ROBO2: variants seen among roughly 807,000 people sequenced by gnomAD.
ROBO2 encodes the protein roundabout homolog 2.
ROBO2 carries 53 observed loss-of-function variants against 160.8 expected under a neutral mutation model. That is an observed-to-expected ratio of 0.33 (90% CI 0.26 to 0.41). The LOEUF is 0.41. ROBO2 is among the 10% of genes least tolerant of loss of function. ROBO2 has a pLI of 1.00. For synonymous variants in ROBO2, 664 were observed against 611.7 expected (o/e 1.09, Z -1.26); for missense variants, 1,577 against 1,722.4 (o/e 0.92, Z 1.49).
At chr3:76,678,812 G>A (rs925074470) in intron 2 of ROBO2, among the ~76,000 whole-genome samples, 5 of 152,022 alleles carry the variant, frequency 3.3e-5, no homozygotes, top group South Asian at 4.1e-4. Context: ...AGTTAGTTTC[G>A]TTATCCATAA....
intron 2 of ROBO2, among the ~76,000 whole-genome samples, chr3:77,327,362 T>C (rs2065506142): frequency 6.6e-6 from 1 of 152,160 alleles, no homozygotes; most frequent in Non-Finnish European, 1.5e-5. Context: ...AACTGACAGG[T>C]CTGTATCTTC....
Position 76,911,976 on chromosome 3 carries a change from A to T in ROBO2, c.110-186038A>T, listed in dbSNP as rs192095353. Among the ~76,000 whole-genome samples the T allele has an allele frequency of 3.6e-3, 548 of 152,270 alleles. 20 individuals are homozygous for T. The highest frequency in any genetic ancestry group is 0.03 in the Admixed American group (463 of 15,280). ...GAGCTGGACCCTGTCTCAAAAAAAA[A>T]ATATTTTAATTAATCCCCAGTAGGA... On this transcript the variant is annotated intron_variant, in intron 2 of 26. Transcript: ENST00000487694.
chr3:76,752,401 G>T (rs1002678136), intron 2 of ROBO2, among the ~76,000 whole-genome samples: 8 of 149,818 alleles, frequency 5.3e-5, no homozygotes. Context: ...AACAAACCAC[G>T]TTGTGCACAT....
At chr3:77,308,952 T>G (rs2063319643) in intron 2 of ROBO2, among the ~76,000 whole-genome samples, 1 of 152,146 alleles carries the variant, frequency 6.6e-6, no homozygotes, top group African/African-American at 2.4e-5. Context: ...TTTAGTCCAA[T>G]ATTTTCTCGA....
At chr3:76,830,075 C>CT (rs1167878697) in intron 2 of ROBO2, among the ~76,000 whole-genome samples, 1 of 152,208 alleles carries the variant, frequency 6.6e-6, no homozygotes, top group African/African-American at 2.4e-5. Flanking sequence ...TTGAGGAACT[C>CT]TAACAGATAA....
intron 2 of ROBO2, among the ~76,000 whole-genome samples, chr3:77,421,201 G>A (rs1287283502): frequency 6.6e-6 from 1 of 152,088 alleles, no homozygotes; most frequent in Admixed American, 6.6e-5. Flanking sequence ...GATGTGTCTG[G>A]AAATGTCACA....
intron 2 of ROBO2, among the ~76,000 whole-genome samples, chr3:76,052,914 T>A (rs1443521334): frequency 6.6e-6 from 1 of 152,054 alleles, no homozygotes; most frequent in African/African-American, 2.4e-5. Flanking sequence ...TTCTAAACAT[T>A]GAAAGTGTTC....
intron 2 of ROBO2, among the ~76,000 whole-genome samples, chr3:76,008,425 G>A (rs1259640169): frequency 6.6e-6 from 1 of 152,102 alleles, no homozygotes; most frequent in East Asian, 1.9e-4. Flanking sequence ...CAAAGGGTAA[G>A]TATTAGCAGT....
At chr3:77,262,031 G>C (rs1030844536) in intron 2 of ROBO2, among the ~76,000 whole-genome samples, 2 of 152,138 alleles carry the variant, frequency 1.3e-5, no homozygotes, top group African/African-American at 4.8e-5. Context: ...CTGAAAAATA[G>C]TGGCTTCAAG....
intron 16 of ROBO2, among the ~76,000 whole-genome samples, chr3:77,585,758 A>C (rs747972349): frequency 5.9e-5 from 9 of 152,034 alleles, no homozygotes; most frequent in Non-Finnish European, 7.4e-5. Context: ...TATCTACCTT[A>C]ACATCTTGTC....
chr3:77,153,172 A>T (rs1178068757), intron 2 of ROBO2, among the ~76,000 whole-genome samples: 2 of 152,110 alleles, frequency 1.3e-5, no homozygotes, highest in East Asian at 1.9e-4. Flanking sequence ...AATTTGTGTT[A>T]AATCTCCTTT....
At chr3:76,228,439 C>T (rs1704423588) in intron 2 of ROBO2, among the ~76,000 whole-genome samples, 1 of 130,336 alleles carries the variant, frequency 7.7e-6, no homozygotes, top group South Asian at 3.0e-4. Flanking sequence ...AAGATCTGTA[C>T]AAGATTTTTA....
At chr3:76,855,984 C>A (rs2070025514) in intron 2 of ROBO2, among the ~76,000 whole-genome samples, 1 of 152,266 alleles carries the variant, frequency 6.6e-6, no homozygotes, top group East Asian at 1.9e-4. Context: ...ATTCCCTATG[C>A]CGAATATATG....
chr3:76,465,321 T>C (rs1313800785), intron 2 of ROBO2, among the ~76,000 whole-genome samples: 1 of 152,066 alleles, frequency 6.6e-6, no homozygotes, highest in Non-Finnish European at 1.5e-5. Flanking sequence ...ATTTCACATT[T>C]TATTATTTGA....
chr3:76,695,315 T>C (rs2092904149), intron 2 of ROBO2, among the ~76,000 whole-genome samples: 1 of 152,174 alleles, frequency 6.6e-6, no homozygotes, highest in Non-Finnish European at 1.5e-5. Flanking sequence ...TATTTTTCTA[T>C]GCCTGTCAGG....
chr3:77,353,597 G>A (rs1336016355), intron 2 of ROBO2, among the ~76,000 whole-genome samples: 1 of 151,904 alleles, frequency 6.6e-6, no homozygotes, highest in Admixed American at 6.6e-5. Context: ...TGCAACCTCC[G>A]CCTCCTGGGT....
intron 2 of ROBO2, among the ~76,000 whole-genome samples, chr3:77,315,128 G>A (rs1224352937): frequency 2.6e-5 from 4 of 152,180 alleles, no homozygotes; most frequent in South Asian, 2.1e-4. Flanking sequence ...TTCCTTCTCC[G>A]TACAATGGAG....
chr3:76,650,559 T>C (rs1424740651), intron 2 of ROBO2, among the ~76,000 whole-genome samples: 2 of 152,144 alleles, frequency 1.3e-5, no homozygotes, highest in Non-Finnish European at 2.9e-5. Flanking sequence ...TTCTAAGCTC[T>C]GTTTGCTGAT....
At chr3:77,201,534 A>C (rs1382871746) in intron 2 of ROBO2, among the ~76,000 whole-genome samples, 2 of 152,230 alleles carry the variant, frequency 1.3e-5, no homozygotes, top group Non-Finnish European at 1.5e-5. Context: ...ACCAAGGAAC[A>C]TGATAAAATA....
Sources: allele counts gnomAD v4.1 joint callset (sites outside exome capture counted in the v4.1 genomes callset), GRCh38; gene constraint gnomAD v4.1.1; transcripts MANE v1.5; gene names NCBI Gene and HGNC (gene_info 2026-07-23, HGNC 2026-07-21).